SCTR: variants seen among roughly 807,000 people sequenced by gnomAD.
The protein encoded by SCTR is secretin receptor.
Under a neutral mutation model 60.8 loss-of-function variants are expected in SCTR, and 56 were observed. That is an observed-to-expected ratio of 0.92 (90% confidence interval 0.74 to 1.15). SCTR has a LOEUF of 1.15. SCTR is among the 50% of genes most tolerant of loss of function. The probability of loss-of-function intolerance (pLI) is 0.00; values close to 1 mark genes in which losing one functional copy is unlikely to be tolerated. For missense variants in SCTR, 562 were observed against 550.4 expected (o/e 1.02, Z -0.21); for synonymous variants, 202 against 217.0 (o/e 0.93, Z 0.61).
chr2:119,464,378 CACATT>C, intron 5 of SCTR, 123 bp from the exon 6 acceptor site: 2 of 912,586 alleles, frequency 2.2e-6, no homozygotes, highest in Non-Finnish European at 3.4e-6. Context: ...TTCCGGGTAA[CACATT>C]CTGTGAGCAT....
chr2:119,459,462 C>A (rs971437057), intron 7 of SCTR, among the ~76,000 whole-genome samples: 2 of 151,566 alleles, frequency 1.3e-5, no homozygotes, highest in Non-Finnish European at 2.9e-5. Context: ...AGGGGTGTAC[C>A]CATTTAAGCA....
intron 1 of SCTR, among the ~76,000 whole-genome samples, chr2:119,515,798 AG>A (rs1452870303): frequency 3.3e-5 from 5 of 152,210 alleles, no homozygotes; most frequent in African/African-American, 9.7e-5. Flanking sequence ...CAAGATGGAA[AG>A]GAAGGAGGTG....
chr2:119,465,815 G>A lies in SCTR; in HGVS notation c.477C>T (p.Val159=). The change falls in exon 5 of 13, where the codon GTC becomes GTT. Residue 159 remains valine, a synonymous_variant. Coordinates refer to ENST00000019103, the MANE Select transcript of SCTR (RefSeq NM_002980.3). ...GGAAAGCACAGAGGATGCCAAGGGCGACCAGGAGCATGACCAGGGAGGAGC... is the reference window on the plus strand; with the variant it reads ...GGAAAGCACAGAGGATGCCAAGGGCAACCAGGAGCATGACCAGGGAGGAGC... ...GYSSSLVMLL[V]ALGILCAFRR... 6.2e-7 allele frequency: 1 copy of A among 1,613,786 alleles called. No homozygotes were observed. Among genetic ancestry groups the A allele is most frequent in the South Asian group, 1.1e-5 (1 of 91,028 alleles).
chr2:119,485,356 G>A (rs988988556), intron 2 of SCTR, among the ~76,000 whole-genome samples: 1 of 152,188 alleles, frequency 6.6e-6, no homozygotes, highest in Non-Finnish European at 1.5e-5. Flanking sequence ...CCTCTGTCCT[G>A]CCCACAGGGA....
intron 3 of SCTR, among the ~76,000 whole-genome samples, chr2:119,474,418 C>T (rs1477593972): frequency 1.3e-5 from 2 of 152,184 alleles, no homozygotes; most frequent in Non-Finnish European, 2.9e-5. Flanking sequence ...TCTTGGAAGG[C>T]CACCGTGAGG....
chr2:119,520,769 T>G (rs1046055647), intron 1 of SCTR, among the ~76,000 whole-genome samples: 1 of 152,060 alleles, frequency 6.6e-6, no homozygotes, highest in Admixed American at 6.6e-5. Context: ...TGGAAACTGG[T>G]TTTCATCAGG....
intron 1 of SCTR, among the ~76,000 whole-genome samples, chr2:119,502,468 A>C (rs1678584653): frequency 6.6e-6 from 1 of 152,234 alleles, no homozygotes. Context: ...TGTTTAACAC[A>C]ATTCCTATCA....
At chr2:119,476,054 C>T (rs1014277442) in intron 3 of SCTR, among the ~76,000 whole-genome samples, 16 of 152,258 alleles carry the variant, frequency 1.1e-4, no homozygotes, top group African/African-American at 3.4e-4. Flanking sequence ...GACCCCACCC[C>T]TCCTGTCAGG....
At chr2:119,477,858 A>G (rs1677403423) in intron 3 of SCTR, among the ~76,000 whole-genome samples, 1 of 152,200 alleles carries the variant, frequency 6.6e-6, no homozygotes, top group Non-Finnish European at 1.5e-5. Context: ...AGCGGGTTTC[A>G]AGCCTGTCTA....
intron 1 of SCTR, among the ~76,000 whole-genome samples, chr2:119,496,140 G>A (rs1678335891): frequency 6.6e-6 from 1 of 152,238 alleles, no homozygotes; most frequent in African/African-American, 2.4e-5. Flanking sequence ...TCTCAGTGGA[G>A]GAAGTGGAAG....
In SCTR at chr2:119,448,700, G is replaced by T; in HGVS notation, c.1002C>A (p.Val334=). 2 of 1,580,650 alleles carry T rather than the reference G, an allele frequency of 1.3e-6. No individual in the cohort carries two copies. The highest frequency in any genetic ancestry group is 1.1e-5 in the South Asian group (1 of 90,368). Residue 334 remains valine, a synonymous_variant, in exon 10 of 13, where the codon GTC becomes GTA. Coordinates refer to ENST00000019103, the MANE Select transcript of SCTR (RefSeq NM_002980.3). ...TGCCCTTCACTTACTTATAATGGCTGACTTCATTTCCTCTTGTTTCTTGGG... is the reference window on the plus strand; with the variant it reads ...TGCCCTTCACTTACTTATAATGGCTTACTTCATTTCCTCTTGTTTCTTGGG... ...LRTQETRGNE[V]SHYKRLARST... is the part of the protein sequence containing the mutation.
intron 1 of SCTR, among the ~76,000 whole-genome samples, chr2:119,521,535 G>A (rs765915795): frequency 2.6e-5 from 4 of 152,042 alleles, no homozygotes; most frequent in Non-Finnish European, 4.4e-5. Context: ...GGGTGGGGCC[G>A]CAGAGGGGGC....
chr2:119,453,098 A>G (rs1314128005), intron 8 of SCTR, among the ~76,000 whole-genome samples, 189 bp downstream of exon 8: 1 of 152,220 alleles, frequency 6.6e-6, no homozygotes, highest in Non-Finnish European at 1.5e-5. Flanking sequence ...CAGTGCAGGC[A>G]TGGCCAAGGC....
intron 1 of SCTR, among the ~76,000 whole-genome samples, chr2:119,507,184 G>T (rs1678767658): frequency 6.6e-6 from 1 of 152,186 alleles, no homozygotes; most frequent in African/African-American, 2.4e-5. Flanking sequence ...GATATGTTCA[G>T]GCATTACATA....
intron 1 of SCTR, among the ~76,000 whole-genome samples, chr2:119,496,136 T>C (rs1016235363): frequency 2.6e-5 from 4 of 152,112 alleles, no homozygotes; most frequent in Non-Finnish European, 5.9e-5. Context: ...GGCTTCTCAG[T>C]GGAGGAAGTG....
intron 2 of SCTR, among the ~76,000 whole-genome samples, chr2:119,489,232 G>C (rs763398281): frequency 6.6e-6 from 1 of 152,146 alleles, no homozygotes; most frequent in African/African-American, 2.4e-5. Flanking sequence ...CACGTTGCTC[G>C]CCTCAGCTAA....
At chr2:119,470,480 T>C (rs1334925913) in intron 4 of SCTR, among the ~76,000 whole-genome samples, 2 of 152,144 alleles carry the variant, frequency 1.3e-5, no homozygotes, top group African/African-American at 2.4e-5. Context: ...TTTTGTTTTG[T>C]TTTTTTAATG....
In SCTR at chr2:119,473,455, G is replaced by A. The variant is rs144705246; in HGVS notation, c.403C>T (p.Arg135Trp). The A allele has an allele frequency of 1.2e-3, 1,867 of 1,609,694 alleles. 3 individuals carry two copies. The highest frequency in any genetic ancestry group is 1.4e-3 in the Non-Finnish European group (1,649 of 1,176,044). The change falls in exon 4 of 13, where the codon CGG (arginine) becomes TGG (tryptophan). Residue 135 changes from arginine (R) to tryptophan (W), a missense_variant and splice_region_variant. Transcript: ENST00000019103. ...GGGGTGGAGGTTGACAGGCTTACCC[G>A]CTTCTCGTTGGAAGAGTCGTTCACA... ...VNVNDSSNEK[R>W]HSYLLKLKVM...
chr2:119,509,774 A>C (rs1004313500), intron 1 of SCTR, among the ~76,000 whole-genome samples: 3 of 152,110 alleles, frequency 2.0e-5, no homozygotes, highest in South Asian at 2.1e-4. Context: ...TACCCCGAAC[A>C]GAAGCTCTGA....
Sources: allele counts gnomAD v4.1 joint callset (sites outside exome capture counted in the v4.1 genomes callset), GRCh38; gene constraint gnomAD v4.1.1; transcripts MANE v1.5; gene names NCBI Gene and HGNC (gene_info 2026-07-23, HGNC 2026-07-21).